Variants in TTLL7 observed in about 807,000 individuals in gnomAD.
The protein encoded by TTLL7 is tubulin polyglutamylase TTLL7.
In TTLL7, 53 loss-of-function variants were observed where a neutral mutation model predicts 120.2. That is an observed-to-expected ratio of 0.44 (90% CI 0.35 to 0.55). The LOEUF (loss-of-function observed/expected upper bound fraction) is 0.55. TTLL7 is among the 20% of genes least tolerant of loss of function. TTLL7 has a pLI of 0.00. For missense variants in TTLL7, 803 were observed against 1,054.7 expected, an observed-to-expected ratio of 0.76 and a Z score of 3.31; for synonymous variants, 353 against 351.7, an observed-to-expected ratio of 1.00 and a Z score of -0.04.
intron 1 of TTLL7, among the ~76,000 whole-genome samples, chr1:83,983,519 A>C (rs1366278530): frequency 2.6e-5 from 4 of 152,194 alleles, no homozygotes; most frequent in Non-Finnish European, 5.9e-5. Context: ...ATCCTAGAAG[A>C]AAACCTAGGA....
At chr1:83,926,492 A>G (rs1186772280) in intron 10 of TTLL7, among the ~76,000 whole-genome samples, 1 of 152,172 alleles carries the variant, frequency 6.6e-6, no homozygotes, top group Non-Finnish European at 1.5e-5. Flanking sequence ...ATGATGCCAC[A>G]AAAGGGAGTA....
At chr1:83,878,059 T>G (rs917383752) in intron 20 of TTLL7, among the ~76,000 whole-genome samples, 5 of 151,924 alleles carry the variant, frequency 3.3e-5, no homozygotes, top group African/African-American at 1.2e-4. Flanking sequence ...ATGTCCATTA[T>G]AATCTCTTAT....
chr1:83,971,893 CCTAA>C (rs955940319), intron 1 of TTLL7, among the ~76,000 whole-genome samples: 1 of 150,852 alleles, frequency 6.6e-6, no homozygotes, highest in Non-Finnish European at 1.5e-5. Context: ...ATCTCCAGTT[CCTAA>C]CTGTTTTCAG....
intron 1 of TTLL7, among the ~76,000 whole-genome samples, chr1:83,972,483 T>A (rs1333348228): frequency 1.3e-5 from 2 of 152,138 alleles, no homozygotes; most frequent in East Asian, 1.9e-4. Flanking sequence ...TCTGGATATA[T>A]CCATTCATCT....
At chr1:83,961,816 G>A (rs942849) in intron 1 of TTLL7, among the ~76,000 whole-genome samples, 64,810 of 151,900 alleles carry the variant, frequency 0.43, 15,419 homozygotes, top group Non-Finnish European at 0.54. Context: ...AATATGTGAC[G>A]TAATCAGTTA....
At chr1:83,912,284 T>C (rs1657749208) in intron 14 of TTLL7, among the ~76,000 whole-genome samples, 1 of 152,174 alleles carries the variant, frequency 6.6e-6, no homozygotes, top group African/African-American at 2.4e-5. Flanking sequence ...TTAGAATCAC[T>C]TGTTTCTAGT....
intron 18 of TTLL7, among the ~76,000 whole-genome samples, chr1:83,894,670 C>G (rs1383494101): frequency 6.6e-6 from 1 of 152,044 alleles, no homozygotes; most frequent in East Asian, 1.9e-4. Flanking sequence ...TGCTCCATTC[C>G]TAATGTTTTC....
intron 1 of TTLL7, among the ~76,000 whole-genome samples, chr1:83,998,469 G>A (rs1232033521): frequency 2.0e-5 from 3 of 152,214 alleles, no homozygotes; most frequent in Non-Finnish European, 4.4e-5. Flanking sequence ...GAAAGTGAGA[G>A]GTACCTACAA....
chr1:83,911,093 C>T, intron 15 of TTLL7, 72 bp downstream of exon 15: 1 of 1,348,494 alleles, frequency 7.4e-7, no homozygotes. Context: ...GCCCAAGGAC[C>T]TTTTACTGAG....
At chr1:83,894,590 T>G (rs1429622405) in intron 18 of TTLL7, among the ~76,000 whole-genome samples, 1 of 152,110 alleles carries the variant, frequency 6.6e-6, no homozygotes, top group African/African-American at 2.4e-5. Flanking sequence ...AGTACCATAT[T>G]CTAGCCCATA....
At chr1:83,906,211 A>T in intron 17 of TTLL7, 118 bp downstream of exon 17, 1 of 841,620 alleles carries the variant, frequency 1.2e-6, no homozygotes, top group Non-Finnish European at 1.9e-6. Flanking sequence ...GTTGAAAAGA[A>T]CATCAATTAA....
intron 13 of TTLL7, among the ~76,000 whole-genome samples, chr1:83,918,070 G>A (rs181573452): frequency 6.6e-6 from 1 of 152,232 alleles, no homozygotes. Flanking sequence ...ATACAGATTA[G>A]TGCAAAATGA....
At chr1:83,982,925 T>C (rs1006318509) in intron 1 of TTLL7, among the ~76,000 whole-genome samples, 3 of 152,042 alleles carry the variant, frequency 2.0e-5, no homozygotes, top group Admixed American at 1.3e-4. Context: ...GTAAACAAAA[T>C]AGCATGGTAA....
At chr1:83,893,350 G>C (rs759677060) in intron 18 of TTLL7, among the ~76,000 whole-genome samples, 1 of 151,620 alleles carries the variant, frequency 6.6e-6, no homozygotes, top group Non-Finnish European at 1.5e-5. Context: ...TGCAATGTAG[G>C]TATTTCCAAC....
At chr1:83,900,053 T>C (rs1247732223) in intron 18 of TTLL7, 1 of 352,396 alleles carries the variant, frequency 2.8e-6, no homozygotes, top group Non-Finnish European at 5.5e-6. Flanking sequence ...CATATGAAAT[T>C]GTTTCTTCCA....
chr1:83,889,871 G>A (rs1183132341), intron 19 of TTLL7: 7 of 455,946 alleles, frequency 1.5e-5, no homozygotes, highest in Admixed American at 4.7e-5. Context: ...GTATGACTGA[G>A]AGAATAATAA....
chr1:83,947,781 A>T (rs117966374), intron 5 of TTLL7, among the ~76,000 whole-genome samples: 2 of 152,248 alleles, frequency 1.3e-5, no homozygotes, highest in East Asian at 3.9e-4. Flanking sequence ...TTTACAAATT[A>T]TCACACATAG....
intron 15 of TTLL7, among the ~76,000 whole-genome samples, chr1:83,909,095 T>C (rs1571148899): frequency 6.6e-6 from 1 of 151,566 alleles, no homozygotes; most frequent in South Asian, 2.1e-4. Flanking sequence ...ATATTTAATG[T>C]GCGCCGAGAG....
intron 1 of TTLL7, among the ~76,000 whole-genome samples, chr1:83,978,900 T>C (rs553307674): frequency 1.3e-5 from 2 of 152,318 alleles, no homozygotes; most frequent in African/African-American, 4.8e-5. Context: ...GAACTGATTC[T>C]TAATTTATTC....
Sources: allele counts gnomAD v4.1 joint callset (sites outside exome capture counted in the v4.1 genomes callset), GRCh38; gene constraint gnomAD v4.1.1; transcripts MANE v1.5; gene names NCBI Gene and HGNC (gene_info 2026-07-23, HGNC 2026-07-21).